The following APOBEC3G variants were observed in gnomAD, a reference collection of about 807,000 sequenced individuals.
APOBEC3G encodes the protein apolipoprotein B mRNA editing enzyme catalytic subunit 3G, also known as DNA dC->dU-editing enzyme APOBEC-3G.
Under a neutral mutation model 50.0 loss-of-function variants are expected in APOBEC3G, and 44 were observed. The observed-to-expected ratio is 0.88, with a 90% CI of 0.69 to 1.13. APOBEC3G has a LOEUF of 1.13. Among genes scored for constraint, APOBEC3G ranks in the 50% most tolerant of loss-of-function variants. The pLI, the probability that APOBEC3G is intolerant of heterozygous loss-of-function variation, is 0.00. For missense variants in APOBEC3G, 469 were observed against 492.0 expected (o/e 0.95, Z 0.44); for synonymous variants, 156 against 175.3 (o/e 0.89, Z 0.87).
chr22:39,085,802 G>A (rs1310080397), intron 5 of APOBEC3G, among the ~76,000 whole-genome samples: 2 of 151,864 alleles, frequency 1.3e-5, no homozygotes, highest in Non-Finnish European at 2.9e-5. Flanking sequence ...CACCAGAATC[G>A]CTTGAACCCG....
rs549698931 is a variant in APOBEC3G at position 39,080,146 on chromosome 22, C to T, written c.172-787C>T. ...GTAGTCCCTTGGCCATGTCACCCCC[C>T]CCGACATGGACAGTGCAGGTCCAGT... On this transcript the variant is annotated intron_variant, in intron 2 of 7. Transcript: ENST00000407997. 3.4e-5 allele frequency: 16 copies of T among 469,576 alleles called. 1 individual carries two copies. In the East Asian group the frequency reaches 4.5e-4, roughly 13 times the overall value. 29.1% of individuals were successfully genotyped at this position (469,576 alleles called of 1,614,324 possible).
Position 39,081,532 on chromosome 22 carries a change from T to A in APOBEC3G, c.528T>A (p.Asn176Lys). 6.2e-7 allele frequency: 1 copy of A among 1,614,196 alleles called. No homozygotes were observed. The change falls in exon 4 of 8, where the codon AAT becomes AAA. Residue 176 changes from asparagine to lysine, a missense_variant. By Grantham distance (94) the Asn-to-Lys change is moderately conservative (BLOSUM62 0). Transcript: ENST00000407997. ...AAAGAGAGCTATTTGAGCCTTGGAA[T>A]AATCTGCCTAAATATTATATATTAC... Reference protein sequence around the residue: ...YSQRELFEPWNNLPKYYILLH... With the variant: ...YSQRELFEPWKNLPKYYILLH...
intron 1 of APOBEC3G, 92 bp from the exon 2 acceptor site, chr22:39,078,840 A>C: frequency 6.5e-7 from 1 of 1,531,316 alleles, no homozygotes; most frequent in Non-Finnish European, 8.8e-7. Flanking sequence ...GGAGGCCTAG[A>C]GCCGTCCAGG....
rs560885154 is a variant in APOBEC3G at position 39,081,050 on chromosome 22, T to C, written c.289T>C (p.Cys97Arg). 1.6e-5 allele frequency: 26 copies of C among 1,614,180 alleles called. No homozygotes were observed. In the South Asian group the frequency reaches 2.2e-4, roughly 14 times the overall value. The stretch of plus-strand genomic sequence containing the variant: ...CACCTGGTACATATCCTGGAGCCCC[T>C]GCACAAAGTGTACAAGGGATATGGC... Reference protein sequence around the residue: ...EVTWYISWSPCTKCTRDMATF... With the variant: ...EVTWYISWSPRTKCTRDMATF... Residue 97 changes from cysteine to arginine, a missense_variant, in exon 3 of 8, where the codon TGC (cysteine) becomes CGC (arginine). By Grantham distance (180) the Cys-to-Arg change is radical (BLOSUM62 -3). Transcript: ENST00000407997.
intron 2 of APOBEC3G, chr22:39,079,907 G>A (rs1928355348): frequency 1.3e-5 from 2 of 152,688 alleles, no homozygotes; most frequent in South Asian, 4.2e-4. Flanking sequence ...AGCCAGGCAT[G>A]GTGGCAGTCA....
intron 1 of APOBEC3G, among the ~76,000 whole-genome samples, chr22:39,077,658 T>A (rs1294077136): frequency 2.0e-5 from 3 of 152,240 alleles, no homozygotes; most frequent in Non-Finnish European, 4.4e-5. Flanking sequence ...CTCCCGGCCC[T>A]GGGAGGGTGC....
At chr22:39,087,317 C>T in intron 7 of APOBEC3G, 90 bp from the exon 8 acceptor site, 1 of 1,604,574 alleles carries the variant, frequency 6.2e-7, no homozygotes, top group Non-Finnish European at 8.5e-7. Context: ...TCCCTCCTCT[C>T]CGATCATTGT....
intron 5 of APOBEC3G, 97 bp from the exon 6 acceptor site, chr22:39,086,182 T>TA: frequency 2.2e-6 from 3 of 1,376,996 alleles, no homozygotes; most frequent in Non-Finnish European, 2.0e-6. Context: ...TGCATGCCTG[T>TA]AATCCTAGCT....
At chr22:39,081,710 CCTG>C in intron 4 of APOBEC3G, 125 bp downstream of exon 4, 8 of 727,652 alleles carry the variant, frequency 1.1e-5, no homozygotes, top group Admixed American at 2.4e-5. Context: ...CCTCCTGCCC[CCTG>C]CCTGCCCTCG....
chr22:39,083,159 A>G (rs1383021778), intron 4 of APOBEC3G: 2 of 152,302 alleles, frequency 1.3e-5, no homozygotes, highest in East Asian at 1.9e-4. Context: ...GGTGCTAATA[A>G]TTCACTTTTA....
chr22:39,078,630 T>C (rs76924887), intron 1 of APOBEC3G: 4,617 of 307,680 alleles, frequency 0.015, 51 homozygotes, highest in South Asian at 0.03. Flanking sequence ...ACAATAATAA[T>C]ATACAGAGGT....
rs1928562504 is a variant in APOBEC3G at position 39,083,494 on chromosome 22, G to A, written c.582-237G>A. Among the ~76,000 whole-genome samples, 9 of 152,356 alleles carry A rather than the reference G, an allele frequency of 5.9e-5. No individual in the cohort carries two copies. The South Asian group carries it at 1.9e-3, about 32-fold the overall frequency. ...CTGACCCTGGGGAGACCCTGACAAG[G>A]CTTAGACAGGCCCCAGGGCTGCCGT... On this transcript the variant is annotated intron_variant, in intron 4 of 7. Coordinates refer to ENST00000407997, the MANE Select transcript of APOBEC3G (RefSeq NM_021822.4).
chr22:39,078,174 C>G (rs1246611205), intron 1 of APOBEC3G, among the ~76,000 whole-genome samples: 1 of 151,968 alleles, frequency 6.6e-6, no homozygotes, highest in Non-Finnish European at 1.5e-5. Context: ...CAGGAGAATC[C>G]ATTGAACCCA....
At position 39,079,056 on chromosome 22, in the gene APOBEC3G, C is replaced by G. The variant is rs778787955; in HGVS notation, c.142C>G (p.Pro48Ala). ...GAAAACAAAGGGTCCCTCAAGGCCC[C>G]CTTTGGACGCAAAGATCTTTCGAGG... is the stretch of plus-strand genomic sequence containing the variant. ...EVKTKGPSRP[P>A]LDAKIFRGQV... Residue 48 changes from proline to alanine, a missense_variant, in exon 2 of 8, where the codon CCT becomes GCT. Transcript: ENST00000407997. The G allele has an allele frequency of 2.5e-6, 4 of 1,614,066 alleles. No individual in the cohort carries two copies. In the African/African-American group the frequency reaches 5.3e-5, roughly 22 times the overall value.
At chr22:39,086,052 C>T (rs1928675816) in intron 5 of APOBEC3G, among the ~76,000 whole-genome samples, 1 of 152,110 alleles carries the variant, frequency 6.6e-6, no homozygotes, top group Admixed American at 6.5e-5. Flanking sequence ...TGCCTGTAAT[C>T]CCAGCACTTT....
intron 7 of APOBEC3G, 109 bp from the exon 8 acceptor site, chr22:39,087,298 C>T (rs1157171573): frequency 6.3e-7 from 1 of 1,599,996 alleles, no homozygotes; most frequent in African/African-American, 1.3e-5. Context: ...CTCCCACCTC[C>T]CACATCCCTC....
intron 6 of APOBEC3G, 43 bp downstream of exon 6, chr22:39,086,610 G>T: frequency 6.5e-7 from 1 of 1,546,960 alleles, no homozygotes; most frequent in Non-Finnish European, 8.7e-7. Context: ...AGCCAGGGCA[G>T]GAGAGGGCCC....
At chr22:39,085,946 G>A (rs940780216) in intron 5 of APOBEC3G, among the ~76,000 whole-genome samples, 4 of 152,122 alleles carry the variant, frequency 2.6e-5, no homozygotes, top group South Asian at 2.1e-4. Flanking sequence ...TGGTGCCCCC[G>A]TCTAATTTTG....
rs748458414 is a variant in APOBEC3G, at chr22:39,081,076, C to T, written c.315C>T (p.Ala105=). The change falls in exon 3 of 8, where the codon GCC becomes GCT. Residue 105 remains alanine, a synonymous_variant. Transcript: ENST00000407997. ...SPCTKCTRDM[A]TFLAEDPKVT... ...GCACAAAGTGTACAAGGGATATGGC[C>T]ACGTTCCTGGCCGAGGACCCGAAGG... 193 of 1,614,232 alleles carry T rather than the reference C, an allele frequency of 1.2e-4. No individual in the cohort carries two copies. The South Asian group carries it at 2.0e-3, about 17-fold the overall frequency.
Sources: gnomAD v4.1 joint callset for allele counts (sites outside exome capture counted in the v4.1 genomes callset) on GRCh38, gnomAD v4.1.1 for gene constraint, MANE v1.5 for transcripts, NCBI Gene and HGNC (gene_info 2026-07-23, HGNC 2026-07-21) for gene names.